The following UMAD1 variants were observed in gnomAD, a reference collection of about 807,000 sequenced individuals.
UMAD1 encodes UBAP1-MVB12-associated (UMA) domain containing 1, also known as UBAP1-MVB12-associated (UMA)-domain containing protein 1.
UMAD1 carries 8 observed loss-of-function variants against 6.1 expected under a neutral mutation model. The ratio of observed to expected loss-of-function variants is 1.30; its 90% CI spans 0.76 to 2.35. UMAD1 has a LOEUF of 2.35. Ranked by LOEUF, UMAD1 falls within the 30% of genes most tolerant of loss-of-function variation. The probability of loss-of-function intolerance (pLI) is 0.00; values close to 1 mark genes in which losing one functional copy is unlikely to be tolerated. For missense variants in UMAD1, 130 were observed against 78.4 expected, an observed-to-expected ratio of 1.66 and a Z score of -2.49; for synonymous variants, 56 against 31.4, an observed-to-expected ratio of 1.78 and a Z score of -2.61.
chr7:7,806,052 G>A (rs1269221208), intron 3 of UMAD1, among the ~76,000 whole-genome samples: 1 of 152,100 alleles, frequency 6.6e-6, no homozygotes, highest in African/African-American at 2.4e-5. Context: ...CCAGGTTAAA[G>A]GCCTAAATGT....
At position 7,814,121 on chromosome 7, in the gene UMAD1, C is replaced by T. The variant is rs10452822; in HGVS notation, c.156+12378C>T. Among the ~76,000 whole-genome samples the T allele has an allele frequency of 7.9e-3, 1,202 of 152,080 alleles. 16 individuals are homozygous for T. The highest frequency in any genetic ancestry group is 0.026 in the African/African-American group (1,077 of 41,500). ...GCTTCAGCCTCCCAAGTAGCTGGGA[C>T]TACAGGCACCCAACACCACGCCCAG... is the stretch of plus-strand genomic sequence containing the variant. On this transcript the variant is annotated intron_variant, in intron 3 of 3. Coordinates refer to ENST00000682710, the MANE Select transcript of UMAD1 (RefSeq NM_001302348.2).
At chr7:7,767,626 C>T (rs1330646164) in intron 2 of UMAD1, among the ~76,000 whole-genome samples, 2 of 152,114 alleles carry the variant, frequency 1.3e-5, no homozygotes, top group Non-Finnish European at 2.9e-5. Flanking sequence ...ATCATAATAG[C>T]AACAATAACC....
intron 2 of UMAD1, among the ~76,000 whole-genome samples, chr7:7,753,488 A>T (rs896424463): frequency 1.2e-4 from 18 of 152,058 alleles, no homozygotes; most frequent in African/African-American, 3.9e-4. Context: ...AATTGTTTTG[A>T]TTTTGAGATC....
intron 3 of UMAD1, among the ~76,000 whole-genome samples, chr7:7,820,459 A>T (rs998235640): frequency 7.2e-5 from 11 of 152,220 alleles, no homozygotes; most frequent in African/African-American, 2.4e-4. Context: ...CTAACAATAA[A>T]TGAGAAACAA....
intron 2 of UMAD1, among the ~76,000 whole-genome samples, chr7:7,710,915 C>T (rs140570542): frequency 1.3e-3 from 191 of 152,242 alleles, no homozygotes; most frequent in African/African-American, 4.5e-3. Context: ...GAGAATTATG[C>T]TGAGTGAAAA....
intron 3 of UMAD1, among the ~76,000 whole-genome samples, chr7:7,815,631 C>T (rs1239272423): frequency 6.6e-6 from 1 of 152,072 alleles, no homozygotes; most frequent in Non-Finnish European, 1.5e-5. Flanking sequence ...TTCCAGGAAG[C>T]AGGAAGGAGG....
chr7:7,688,111 A>G (rs1049374502), intron 2 of UMAD1, among the ~76,000 whole-genome samples: 2 of 152,214 alleles, frequency 1.3e-5, no homozygotes, highest in African/African-American at 4.8e-5. Context: ...AACTTCTGAC[A>G]CTACATGTAA....
intron 2 of UMAD1, among the ~76,000 whole-genome samples, chr7:7,683,541 T>A (rs1052156173): frequency 6.6e-6 from 1 of 152,100 alleles, no homozygotes; most frequent in African/African-American, 2.4e-5. Flanking sequence ...GTAATTACAT[T>A]TCCTTCAATA....
intron 2 of UMAD1, among the ~76,000 whole-genome samples, chr7:7,783,430 T>A (rs188196268): frequency 1.3e-4 from 20 of 152,164 alleles, no homozygotes; most frequent in Admixed American, 1.3e-3. Flanking sequence ...GAAATTCAGA[T>A]GCTGCACGGT....
chr7:7,793,648 A>G (rs1782613466), intron 2 of UMAD1, among the ~76,000 whole-genome samples: 2 of 152,180 alleles, frequency 1.3e-5, no homozygotes, highest in Admixed American at 6.5e-5. Context: ...GCAGTCACAT[A>G]CTGCTAGTCT....
At chr7:7,742,641 A>G (rs1781495082) in intron 2 of UMAD1, 1 of 337,342 alleles carries the variant, frequency 3.0e-6, no homozygotes, top group Admixed American at 3.6e-5. Flanking sequence ...AAGAACCATA[A>G]TTTTCAAGTG....
At chr7:7,824,002 A>T (rs1251806334) in intron 3 of UMAD1, among the ~76,000 whole-genome samples, 2 of 152,146 alleles carry the variant, frequency 1.3e-5, no homozygotes, top group Admixed American at 6.6e-5. Flanking sequence ...TGCCTTATAA[A>T]CAATGTTGAG....
At chr7:7,688,434 G>A (rs1193679019) in intron 2 of UMAD1, among the ~76,000 whole-genome samples, 4 of 152,126 alleles carry the variant, frequency 2.6e-5, no homozygotes, top group Non-Finnish European at 5.9e-5. Context: ...CTCATGGTTT[G>A]CCTTTTCACT....
At chr7:7,853,450 A>AT (rs549375760) in intron 3 of UMAD1, among the ~76,000 whole-genome samples, 18 of 149,520 alleles carry the variant, frequency 1.2e-4, no homozygotes, top group South Asian at 4.3e-4. Flanking sequence ...TGAGCGTGGG[A>AT]TTTTTTTTTT....
Position 7,709,970 on chromosome 7 carries a change from T to A in UMAD1, c.82+36517T>A, listed in dbSNP as rs146668445. On this transcript the variant is annotated intron_variant, in intron 2 of 3. Coordinates refer to ENST00000682710, the MANE Select transcript of UMAD1 (RefSeq NM_001302348.2). ...TTTTTTGGGGTCTCTTTTTAAATAG[T>A]GTTAACATATTTTTCATATGTGTAG... Among the ~76,000 whole-genome samples the A allele has an allele frequency of 2.2e-4, 33 of 152,260 alleles. 1 individual carries two copies. In the East Asian group the frequency reaches 6.0e-3, roughly 28 times the overall value.
chr7:7,758,087 T>A (rs1226635391), intron 2 of UMAD1, among the ~76,000 whole-genome samples: 2 of 152,082 alleles, frequency 1.3e-5, no homozygotes, highest in African/African-American at 4.8e-5. Flanking sequence ...TTATTATTTT[T>A]AATTAGAGAC....
intron 2 of UMAD1, among the ~76,000 whole-genome samples, chr7:7,763,697 A>G (rs1345663411): frequency 2.0e-5 from 3 of 152,214 alleles, no homozygotes; most frequent in Admixed American, 6.5e-5. Flanking sequence ...ACCAACATGG[A>G]GAAACCCCAT....
chr7:7,861,669 T>C (rs1490981192), intron 3 of UMAD1, among the ~76,000 whole-genome samples: 1 of 152,240 alleles, frequency 6.6e-6, no homozygotes. Context: ...CAGTTGTGTA[T>C]TCACCAACTA....
chr7:7,814,965 A>G (rs1413076842), intron 3 of UMAD1, among the ~76,000 whole-genome samples: 1 of 152,160 alleles, frequency 6.6e-6, no homozygotes, highest in Non-Finnish European at 1.5e-5. Flanking sequence ...GGCATCTTGC[A>G]AGTCTCACTA....
Sources: allele counts gnomAD v4.1 joint callset (sites outside exome capture counted in the v4.1 genomes callset), GRCh38; gene constraint gnomAD v4.1.1; transcripts MANE v1.5; gene names NCBI Gene and HGNC (gene_info 2026-07-23, HGNC 2026-07-21).